CGNL1: variants seen among roughly 807,000 people sequenced by gnomAD.
CGNL1 encodes cingulin like 1, also known as cingulin-like protein 1.
CGNL1 carries 132 observed loss-of-function variants against 141.2 expected under a neutral mutation model. The ratio of observed to expected loss-of-function variants is 0.93; its 90% CI spans 0.81 to 1.08. CGNL1 has a LOEUF of 1.08. Ranked by LOEUF, CGNL1 falls within the 50% of genes least tolerant of loss-of-function variation. CGNL1 has a pLI of 0.00. For synonymous variants in CGNL1, 690 were observed against 622.1 expected, an observed-to-expected ratio of 1.11 and a Z score of -1.63; for missense variants, 1,870 against 1,588.6, an observed-to-expected ratio of 1.18 and a Z score of -3.01.
At chr15:57,396,661 G>A (rs897198396) in intron 1 of CGNL1, among the ~76,000 whole-genome samples, 1 of 152,136 alleles carries the variant, frequency 6.6e-6, no homozygotes, top group East Asian at 1.9e-4. Flanking sequence ...CTTAATAGGT[G>A]TGGAGCTGTA....
At position 57,380,667 on chromosome 15, in the gene CGNL1, A is replaced by G. The variant is rs112353821; in HGVS notation, c.-16+4100A>G. On this transcript the variant is annotated intron_variant, in intron 1 of 18. Transcript: ENST00000281282. ...CCGACTCCAGGAGCGAGAAGGGTGCAGGTATCCATCATGCAAAGGGGAGGT... is the reference window on the plus strand; with the variant it reads ...CCGACTCCAGGAGCGAGAAGGGTGCGGGTATCCATCATGCAAAGGGGAGGT... Among the ~76,000 whole-genome samples, 6 of 152,308 alleles carry G rather than the reference A, an allele frequency of 3.9e-5. 1 individual carries two copies. The highest frequency in any genetic ancestry group is 1.4e-4 in the African/African-American group (6 of 41,574).
rs114357695 is a variant in CGNL1, at chr15:57,423,995, G to A, written c.-15-13990G>A. ...TCCTAGCTGAGCTCCTCCAGTCCCCGGCTTTAAGTCACACCTCGAATCTTA... is the reference window on the plus strand; with the variant it reads ...TCCTAGCTGAGCTCCTCCAGTCCCCAGCTTTAAGTCACACCTCGAATCTTA... On this transcript the variant is annotated intron_variant, in intron 1 of 18. Transcript: ENST00000281282. 9.2e-3 allele frequency among the ~76,000 whole-genome samples: 1,408 copies of A among 152,224 alleles called. 21 individuals are homozygous for A. The highest frequency in any genetic ancestry group is 0.032 in the African/African-American group (1,324 of 41,528).
intron 8 of CGNL1, among the ~76,000 whole-genome samples, chr15:57,515,815 G>C (rs568720912): frequency 6.6e-6 from 1 of 151,968 alleles, no homozygotes; most frequent in Non-Finnish European, 1.5e-5. Context: ...TTTTATATTG[G>C]ACATGAAAAA....
In CGNL1 at chr15:57,438,354, C is replaced by T. The variant is rs2063134400; in HGVS notation, c.355C>T (p.Gln119Ter). The stretch of plus-strand genomic sequence containing the variant: ...GCCTAGCCCAATAAGAAACCTGAAA[C>T]AGCCCCTGCTCCATGAGGGCAAGAA... ...AQPSPIRNLK[Q>*]PLLHEGKNGV... Residue 119 changes from glutamine (Q) to a stop codon, truncating the protein, a stop_gained, in exon 2 of 19, where the codon CAG (glutamine) becomes TAG (stop). Coordinates refer to ENST00000281282, the MANE Select transcript of CGNL1 (RefSeq NM_032866.5). LOFTEE classifies it high-confidence loss of function. 1.9e-6 allele frequency: 3 copies of T among 1,614,144 alleles called. No homozygotes were observed. The highest frequency in any genetic ancestry group is 2.5e-6 in the Non-Finnish European group (3 of 1,180,032).
intron 8 of CGNL1, among the ~76,000 whole-genome samples, chr15:57,462,698 C>T (rs370311118): frequency 6.6e-6 from 1 of 152,196 alleles, no homozygotes; most frequent in Non-Finnish European, 1.5e-5. Flanking sequence ...GGCCCTCTCT[C>T]CCCTAAGCCC....
intron 8 of CGNL1, among the ~76,000 whole-genome samples, chr15:57,474,101 G>A (rs1345961601): frequency 2.0e-5 from 3 of 151,528 alleles, no homozygotes; most frequent in African/African-American, 7.3e-5. Flanking sequence ...GGTAGAGACG[G>A]GGTTTCACCA....
rs772513099 is a variant in CGNL1, at chr15:57,513,276, GTGTGTGTGTGTGTGTGTGTT to G, written c.2404-3497_2404-3478del. 1.3e-3 allele frequency among the ~76,000 whole-genome samples: 149 copies of G among 116,752 alleles called. 1 individual carries two copies. The East Asian group carries it at 0.025, about 20-fold the overall frequency. 76.6% of individuals were successfully genotyped at this position (116,752 alleles called of 152,430 possible). ...TGGGTGTGTGTGTGTGTGTGTGTGTGTGTGTGTGTGTGTGTGTGTTTGTGTGATTGGCTTCTTTAGGATAA... is the reference window on the plus strand; with the variant it reads ...TGGGTGTGTGTGTGTGTGTGTGTGTGTGTGTGATTGGCTTCTTTAGGATAA... On this transcript the variant is annotated intron_variant, in intron 8 of 18. Coordinates refer to ENST00000281282, the MANE Select transcript of CGNL1 (RefSeq NM_032866.5).
At chr15:57,453,581 G>A in intron 6 of CGNL1, 102 bp from the exon 7 acceptor site, 2 of 1,453,522 alleles carry the variant, frequency 1.4e-6, no homozygotes, top group South Asian at 1.3e-5. Context: ...GGCTCCTTGG[G>A]GCTTTAGAGA....
intron 1 of CGNL1, among the ~76,000 whole-genome samples, chr15:57,386,089 G>T (rs1394429406): frequency 6.6e-6 from 1 of 152,238 alleles, no homozygotes; most frequent in Non-Finnish European, 1.5e-5. Context: ...TGCCCCTGAG[G>T]TGGGAACACC....
At chr15:57,396,941 G>T (rs1255509741) in intron 1 of CGNL1, 1 of 152,176 alleles carries the variant, frequency 6.6e-6, no homozygotes, top group Non-Finnish European at 1.5e-5. Context: ...TAGTCCAGTG[G>T]AAGAGAAAGA....
At chr15:57,517,227 C>T (rs576020360) in intron 9 of CGNL1, among the ~76,000 whole-genome samples, 1 of 152,338 alleles carries the variant, frequency 6.6e-6, no homozygotes, top group African/African-American at 2.4e-5. Flanking sequence ...CAGGAATCCC[C>T]ACACACCCAG....
chr15:57,503,242 TG>T (rs1342574789), intron 8 of CGNL1, among the ~76,000 whole-genome samples: 1 of 152,348 alleles, frequency 6.6e-6, no homozygotes, highest in Admixed American at 6.5e-5. Context: ...CTCCTACTCC[TG>T]ATGAGGTGGC....
rs369204678 is a variant in CGNL1 at position 57,513,253 on chromosome 15, GGTGTGTGTGT to G, written c.2404-3494_2404-3485del. 3.4e-4 allele frequency among the ~76,000 whole-genome samples: 45 copies of G among 134,000 alleles called. No homozygotes were observed. In the East Asian group the frequency reaches 5.4e-3, roughly 16 times the overall value. 87.9% of individuals were successfully genotyped at this position (134,000 alleles called of 152,430 possible). A position where few individuals can be genotyped will look rare whatever the true frequency, so the allele number is the denominator to read the frequency against. On this transcript the variant is annotated intron_variant, in intron 8 of 18. Transcript: ENST00000281282. The stretch of plus-strand genomic sequence containing the variant: ...AGACTTTCATATAAATGTCAATATG[GGTGTGTGTGT>G]GTGTGTGTGTGTGTGTGTGTGTGTG...
chr15:57,499,960 G>A (rs2063998801), intron 8 of CGNL1, among the ~76,000 whole-genome samples: 1 of 152,128 alleles, frequency 6.6e-6, no homozygotes, highest in Non-Finnish European at 1.5e-5. Context: ...AGTCGTTCTG[G>A]GCTCTGAGCT....
intron 5 of CGNL1, among the ~76,000 whole-genome samples, 196 bp downstream of exon 5, chr15:57,451,797 C>A (rs1346262321): frequency 6.6e-6 from 1 of 151,856 alleles, no homozygotes; most frequent in African/African-American, 2.4e-5. Context: ...GTAACCAAAG[C>A]CTATAGAGAC....
intron 1 of CGNL1, among the ~76,000 whole-genome samples, chr15:57,414,170 C>T (rs1470295712): frequency 1.3e-5 from 2 of 152,166 alleles, no homozygotes; most frequent in Non-Finnish European, 2.9e-5. Flanking sequence ...GAGCTGATAG[C>T]AGCATCAGCA....
chr15:57,496,565 G>C (rs147892152), intron 8 of CGNL1, among the ~76,000 whole-genome samples: 97 of 152,288 alleles, frequency 6.4e-4, no homozygotes, highest in African/African-American at 2.1e-3. Context: ...CTGGTCCCTG[G>C]TGCCAAAAAG....
chr15:57,487,029 C>A (rs1179223276), intron 8 of CGNL1, among the ~76,000 whole-genome samples: 1 of 152,170 alleles, frequency 6.6e-6, no homozygotes, highest in East Asian at 1.9e-4. Flanking sequence ...CAGCCCAGTT[C>A]AACTATTTCC....
chr15:57,492,034 C>T lies in CGNL1; in HGVS notation c.2404-24746C>T, dbSNP rs536344631. 2.9e-4 allele frequency among the ~76,000 whole-genome samples: 44 copies of T among 152,128 alleles called. 1 individual carries two copies. The highest frequency in any genetic ancestry group is 1.8e-4 in the Non-Finnish European group (12 of 68,036). ...AATGGGATCAAGAGCTGGAAAAGGA[C>T]GTTAGGTAAAAACTAAGGAAAGCTC... On this transcript the variant is annotated intron_variant, in intron 8 of 18. Coordinates refer to ENST00000281282, the MANE Select transcript of CGNL1 (RefSeq NM_032866.5).
Sources: allele counts gnomAD v4.1 joint callset (sites outside exome capture counted in the v4.1 genomes callset), GRCh38; gene constraint gnomAD v4.1.1; transcripts MANE v1.5; gene names NCBI Gene and HGNC (gene_info 2026-07-23, HGNC 2026-07-21).